The following THADA variants were observed in gnomAD, a reference collection of about 807,000 sequenced individuals.
The protein encoded by THADA is THADA armadillo repeat containing.
A neutral mutation model predicts 219.8 loss-of-function variants in THADA; 213 were observed. The observed-to-expected ratio is 0.97, with a 90% confidence interval of 0.87 to 1.09. The LOEUF (loss-of-function observed/expected upper bound fraction) is 1.09. THADA is among the 50% of genes least tolerant of loss of function. The pLI, the probability that THADA is intolerant of heterozygous loss-of-function variation, is 0.00. For missense variants in THADA, 2,956 were observed against 2,311.3 expected, an observed-to-expected ratio of 1.28 and a Z score of -5.72; for synonymous variants, 1,018 against 828.9, an observed-to-expected ratio of 1.23 and a Z score of -3.92.
rs1204935956 is a variant in THADA, at chr2:43,297,308, A to G, written c.4439-4095T>C. On this transcript the variant is annotated intron_variant, in intron 31 of 37. Coordinates refer to ENST00000405975, the MANE Select transcript of THADA (RefSeq NM_022065.5). ...TGAGGAGACCCTCTGCCTGGCAACC[A>G]CCCCGTCTGAGAAGTGAGGAGCCCC... is the stretch of plus-strand genomic sequence containing the variant. Among the ~76,000 whole-genome samples the G allele has an allele frequency of 2.7e-4, 24 of 88,802 alleles. 1 individual carries two copies. The South Asian group carries it at 7.6e-3, about 28-fold the overall frequency. The allele number at this position is 88,802 out of a possible 152,430, so 58.3% of individuals were successfully genotyped here. A position where few individuals can be genotyped will look rare whatever the true frequency, so the allele number is the denominator to read the frequency against.
chr2:43,465,788 A>G (rs996185914), intron 26 of THADA, among the ~76,000 whole-genome samples: 5 of 152,158 alleles, frequency 3.3e-5, no homozygotes, highest in African/African-American at 1.2e-4. Flanking sequence ...GACCCTACAT[A>G]TCTAACTGCC....
At chr2:43,264,505 G>A (rs918020245) in intron 36 of THADA, among the ~76,000 whole-genome samples, 6 of 151,914 alleles carry the variant, frequency 3.9e-5, no homozygotes, top group Admixed American at 3.3e-4. Context: ...AGCTGGTCTC[G>A]AACTCCTGAC....
intron 36 of THADA, among the ~76,000 whole-genome samples, chr2:43,247,655 G>A (rs1669290397): frequency 6.9e-6 from 1 of 145,962 alleles, no homozygotes; most frequent in Non-Finnish European, 1.5e-5. Flanking sequence ...CTTGAACCCA[G>A]GAGGCGGAGG....
chr2:43,585,678 A>G (rs764993506), intron 7 of THADA, among the ~76,000 whole-genome samples: 14 of 152,112 alleles, frequency 9.2e-5, no homozygotes, highest in Non-Finnish European at 1.6e-4. Context: ...GAAAAAAGCA[A>G]CTTGGAAGAA....
At chr2:43,452,696 G>A (rs183934923) in intron 26 of THADA, among the ~76,000 whole-genome samples, 166 of 152,264 alleles carry the variant, frequency 1.1e-3, no homozygotes, top group Non-Finnish European at 1.9e-3. Context: ...CTTCTACTCC[G>A]ACACACTGAG....
intron 30 of THADA, chr2:43,333,317 T>C (rs1666009087): frequency 6.6e-6 from 1 of 152,102 alleles, no homozygotes; most frequent in Non-Finnish European, 1.5e-5. Flanking sequence ...TATACCAACT[T>C]CATTTCTCTC....
At chr2:43,387,546 G>A (rs1672840746) in intron 29 of THADA, among the ~76,000 whole-genome samples, 2 of 150,500 alleles carry the variant, frequency 1.3e-5, no homozygotes, top group African/African-American at 5.0e-5. Context: ...GGTTTCTTTG[G>A]TGGTTGCTGG....
chr2:43,566,742 A>G lies in THADA; in HGVS notation c.2267T>C (p.Leu756Ser). 6.3e-7 allele frequency: 1 copy of G among 1,593,514 alleles called. No homozygotes were observed. The highest frequency in any genetic ancestry group is 8.5e-7 in the Non-Finnish European group (1 of 1,173,892). The part of the protein sequence containing the change: ...GSSYSTRFSA[L>S]TILGSIAEVF... Reference sequence around the variant, plus strand: ...TTCAGCTATTGAACCTAAAATGGTTAAAGCTGAAAATCTAGTCGAGTAGGA... The same window carrying G: ...TTCAGCTATTGAACCTAAAATGGTTGAAGCTGAAAATCTAGTCGAGTAGGA... Residue 756 changes from leucine to serine, a missense_variant, in exon 15 of 38, where the codon TTA becomes TCA. Coordinates refer to ENST00000405975, the MANE Select transcript of THADA (RefSeq NM_022065.5).
intron 28 of THADA, among the ~76,000 whole-genome samples, chr2:43,421,228 T>C (rs1677678263): frequency 6.6e-6 from 1 of 152,142 alleles, no homozygotes; most frequent in South Asian, 2.1e-4. Flanking sequence ...TATCAGACAG[T>C]CACATAGTGA....
At chr2:43,240,499 A>G (rs752223409) in intron 36 of THADA, among the ~76,000 whole-genome samples, 1 of 152,136 alleles carries the variant, frequency 6.6e-6, no homozygotes, top group Non-Finnish European at 1.5e-5. Context: ...GGCTGCCAGA[A>G]GCCTCTCAGT....
intron 25 of THADA, among the ~76,000 whole-genome samples, chr2:43,487,049 G>T (rs889868407): frequency 6.6e-6 from 1 of 152,138 alleles, no homozygotes; most frequent in Non-Finnish European, 1.5e-5. Flanking sequence ...ATTCACTTAC[G>T]TTCATTCAAC....
At chr2:43,295,433 G>T (rs1200241668) in intron 31 of THADA, among the ~76,000 whole-genome samples, 1 of 152,120 alleles carries the variant, frequency 6.6e-6, no homozygotes, top group Non-Finnish European at 1.5e-5. Context: ...CCTCTTAATT[G>T]TATCATTCTG....
chr2:43,403,979 C>CT (rs1675201748), intron 28 of THADA, among the ~76,000 whole-genome samples: 1 of 152,192 alleles, frequency 6.6e-6, no homozygotes, highest in Non-Finnish European at 1.5e-5. Flanking sequence ...AATAGGCCAT[C>CT]TCTAAAGGCT....
intron 26 of THADA, among the ~76,000 whole-genome samples, chr2:43,431,162 T>C (rs1330175525): frequency 6.6e-6 from 1 of 152,188 alleles, no homozygotes; most frequent in African/African-American, 2.4e-5. Flanking sequence ...AACCTACCCA[T>C]TTTTATCAGC....
chr2:43,344,124 C>G lies in THADA; in HGVS notation c.4341G>C (p.Lys1447Asn). The G allele has an allele frequency of 1.2e-6, 2 of 1,605,518 alleles. No individual in the cohort carries two copies. Among genetic ancestry groups the G allele is most frequent in the South Asian group, 1.1e-5 (1 of 89,064 alleles). The stretch of plus-strand genomic sequence containing the variant: ...GCTCATGTGGGATTTTAACATACCT[C>G]TTGGCCAGCCAGAGTTTGGCTTTGG... ...VCTKAKLWLAKRQNPCLVTRA... is the reference protein window; with the variant it reads ...VCTKAKLWLANRQNPCLVTRA... Residue 1447 changes from lysine to asparagine, a missense_variant and splice_region_variant, in exon 30 of 38, where the codon AAG (lysine) becomes AAC (asparagine). By Grantham distance (94) the Lys-to-Asn change is moderately conservative (BLOSUM62 0). Transcript: ENST00000405975.
chr2:43,466,363 C>A (rs567096006), intron 26 of THADA, among the ~76,000 whole-genome samples: 1 of 152,302 alleles, frequency 6.6e-6, no homozygotes, highest in East Asian at 1.9e-4. Context: ...CAGTTTTCTT[C>A]ACTTGGTTAA....
chr2:43,430,383 G>C (rs1412297040), intron 26 of THADA, 81 bp from the exon 27 acceptor site: 3 of 712,212 alleles, frequency 4.2e-6, no homozygotes, highest in African/African-American at 1.8e-5. Context: ...AAAAAAGGAA[G>C]ATAAGTACGG....
chr2:43,331,036 T>C (rs964920508), intron 30 of THADA, among the ~76,000 whole-genome samples: 3 of 152,194 alleles, frequency 2.0e-5, no homozygotes, highest in African/African-American at 7.2e-5. Context: ...CTTAGTCCCT[T>C]CTGGGGCTAC....
rs1327359321 is a variant in THADA at position 43,592,020 on chromosome 2, G to C, written c.103C>G (p.Leu35Val). 1.9e-6 allele frequency: 3 copies of C among 1,561,874 alleles called. No individual in the cohort carries two copies. Among genetic ancestry groups the C allele is most frequent in the Non-Finnish European group, 1.7e-6 (2 of 1,151,880 alleles). ...KSFADVEGKN[L>V]ASLLLHCVQL... ...ACACAATGTAACAGCAAAGAAGCTA[G>C]ATTTTTCCCTTCCACATCAGCAAAA... Residue 35 changes from leucine to valine, a missense_variant, in exon 3 of 38, where the codon CTA becomes GTA. By Grantham distance (32) the Leu-to-Val change is conservative. Coordinates refer to ENST00000405975, the MANE Select transcript of THADA (RefSeq NM_022065.5).
Sources: allele counts gnomAD v4.1 joint callset (sites outside exome capture counted in the v4.1 genomes callset), GRCh38; gene constraint gnomAD v4.1.1; transcripts MANE v1.5; gene names NCBI Gene and HGNC (gene_info 2026-07-23, HGNC 2026-07-21).